Variants in IFT74 observed in about 807,000 individuals in gnomAD.
IFT74 encodes intraflagellar transport 74.
Under a neutral mutation model 96.7 loss-of-function variants are expected in IFT74, and 92 were observed. The ratio of observed to expected loss-of-function variants is 0.95; its 90% confidence interval spans 0.80 to 1.13. The LOEUF (loss-of-function observed/expected upper bound fraction) is 1.13. Ranked by LOEUF, IFT74 falls within the 50% of genes most tolerant of loss-of-function variation. IFT74 has a pLI of 0.00. For missense variants in IFT74, 811 were observed against 698.2 expected (o/e 1.16, Z -1.82); for synonymous variants, 223 against 213.2 (o/e 1.05, Z -0.40).
intron 8 of IFT74, chr9:26,996,219 A>G (rs1451207227): frequency 3.9e-5 from 32 of 828,614 alleles, no homozygotes; most frequent in Non-Finnish European, 5.1e-5. Context: ...TTTCTTTTAC[A>G]TTTTTTATAC....
At chr9:27,007,141 T>G (rs891100878) in intron 8 of IFT74, among the ~76,000 whole-genome samples, 1 of 152,148 alleles carries the variant, frequency 6.6e-6, no homozygotes, top group African/African-American at 2.4e-5. Flanking sequence ...CCAGCCTGTT[T>G]ACTTACTTTT....
At chr9:27,024,092 T>G (rs775894968) in intron 12 of IFT74, among the ~76,000 whole-genome samples, 3 of 152,082 alleles carry the variant, frequency 2.0e-5, no homozygotes, top group African/African-American at 7.2e-5. Context: ...AACAGAACAA[T>G]CCTGCTCCAA....
intron 10 of IFT74, among the ~76,000 whole-genome samples, chr9:27,014,575 A>G (rs1829255302): frequency 6.6e-6 from 1 of 152,150 alleles, no homozygotes; most frequent in African/African-American, 2.4e-5. Context: ...CATGTCACTA[A>G]TTCTATTTAA....
intron 1 of IFT74, among the ~76,000 whole-genome samples, chr9:26,958,937 T>C (rs916610919): frequency 1.3e-5 from 2 of 152,086 alleles, no homozygotes; most frequent in Admixed American, 6.5e-5. Flanking sequence ...GGAAGTGTCA[T>C]GGAGATGTTT....
At position 26,974,344 on chromosome 9, in the gene IFT74, C is replaced by A. The variant is rs1194253011; in HGVS notation, c.121-3784C>A. Among the ~76,000 whole-genome samples, 5 of 152,236 alleles carry A rather than the reference C, an allele frequency of 3.3e-5. No individual in the cohort carries two copies. The East Asian group carries it at 9.7e-4, about 29-fold the overall frequency. On this transcript the variant is annotated intron_variant, in intron 2 of 19. Coordinates refer to ENST00000380062, the MANE Select transcript of IFT74 (RefSeq NM_025103.4). ...AATTTTTGTAACTTTTTTGAAATAT[C>A]TAGTCAATTCTTAGTGACAAAATGG... is the stretch of plus-strand genomic sequence containing the variant.
upstream of IFT74, among the ~76,000 whole-genome samples, chr9:26,953,696 G>A (rs115335243): frequency 2.7e-5 from 4 of 150,208 alleles, no homozygotes; most frequent in African/African-American, 9.8e-5. Context: ...TTTTTTGTAG[G>A]GGGGGGGTCT....
chr9:26,974,617 G>A (rs867623140), intron 2 of IFT74, among the ~76,000 whole-genome samples: 16 of 152,054 alleles, frequency 1.1e-4, no homozygotes, highest in African/African-American at 3.6e-4. Context: ...GGTCTTAAGC[G>A]GGAAATTTTT....
chr9:26,999,773 T>TC, intron 8 of IFT74: 1 of 512,060 alleles, frequency 2.0e-6, no homozygotes, highest in East Asian at 4.6e-5. Flanking sequence ...GTTTATTCTT[T>TC]TTTTTTTTTT....
At chr9:26,976,213 TG>T (rs1827120261) in intron 2 of IFT74, among the ~76,000 whole-genome samples, 1 of 152,144 alleles carries the variant, frequency 6.6e-6, no homozygotes, top group African/African-American at 2.4e-5. Flanking sequence ...TCCCCCTGGG[TG>T]GGGTGACTGA....
intron 1 of IFT74, among the ~76,000 whole-genome samples, chr9:26,957,239 C>T (rs994971783): frequency 6.6e-6 from 1 of 152,096 alleles, no homozygotes. Context: ...TAATGGTAAG[C>T]TTTTTTTCAC....
intron 8 of IFT74, chr9:26,995,186 A>G (rs1828075906): frequency 5.8e-6 from 1 of 173,588 alleles, no homozygotes; most frequent in African/African-American, 2.4e-5. Flanking sequence ...AATACATATT[A>G]TGTCAAATAC....
intron 14 of IFT74, among the ~76,000 whole-genome samples, chr9:27,045,532 C>G (rs1819662533): frequency 6.6e-6 from 1 of 151,670 alleles, no homozygotes; most frequent in South Asian, 2.1e-4. Flanking sequence ...TTTCTATCAC[C>G]AGCTATAATT....
rs150983575 is a variant in IFT74, at chr9:27,028,625, G to A, written c.975-400G>A. On this transcript the variant is annotated intron_variant, in intron 12 of 19. Coordinates refer to ENST00000380062, the MANE Select transcript of IFT74 (RefSeq NM_025103.4). ...ACAAAAATTAGCTGGGCATGGAGGC[G>A]CGTGCCTCTAGTCCCAGCTATTCGG... 2.4e-3 allele frequency among the ~76,000 whole-genome samples: 366 copies of A among 152,072 alleles called. 4 individuals are homozygous for A. The highest frequency in any genetic ancestry group is 8.3e-3 in the African/African-American group (343 of 41,470).
chr9:27,060,928 C>T (rs1328269046), intron 19 of IFT74: 1 of 176,628 alleles, frequency 5.7e-6, no homozygotes, highest in East Asian at 1.4e-4. Flanking sequence ...CACCACTGCA[C>T]TCCAGCCTGG....
In IFT74 at chr9:27,063,114, C is replaced by G. The variant is rs1820497431; in HGVS notation, c.*378C>G. On this transcript the variant is annotated 3_prime_UTR_variant, in exon 20 of 20. Transcript: ENST00000380062. ...GATTCTGATTTAGCACTTAGATCAA[C>G]CTTGTCAATTTTTACTTCTAGAAAA... Among the ~76,000 whole-genome samples, 1 of 151,988 alleles carries G rather than the reference C, an allele frequency of 6.6e-6. No homozygotes were observed. The highest frequency in any genetic ancestry group is 2.1e-4 in the South Asian group (1 of 4,820).
intron 13 of IFT74, among the ~76,000 whole-genome samples, chr9:27,039,674 A>G (rs991117486): frequency 2.0e-5 from 3 of 152,208 alleles, no homozygotes; most frequent in Admixed American, 6.5e-5. Flanking sequence ...TGTAACAACC[A>G]TTTACAATAT....
At position 27,055,620 on chromosome 9, in the gene IFT74, C is replaced by G. The variant is rs756016779; in HGVS notation, c.1345C>G (p.Leu449Val). 3.8e-6 allele frequency: 6 copies of G among 1,575,868 alleles called. No homozygotes were observed. The highest frequency in any genetic ancestry group is 2.0e-5 in the Admixed American group (1 of 50,552). ...AQNLTSDIQR[L>V]QLDLQKMELL... ...TTCTTATGTTTCAGACATTCAACGT[C>G]TGCAGTTGGATCTGCAGAAAATGGA... The change falls in exon 17 of 20, where the codon CTG (leucine) becomes GTG (valine). Residue 449 changes from leucine (L) to valine (V), a missense_variant. Leu to Val is a conservative substitution (Grantham distance 32). Coordinates refer to ENST00000380062, the MANE Select transcript of IFT74 (RefSeq NM_025103.4).
At chr9:26,971,607 T>C (rs1826881179) in intron 2 of IFT74, among the ~76,000 whole-genome samples, 2 of 152,188 alleles carry the variant, frequency 1.3e-5, no homozygotes, top group Admixed American at 1.3e-4. Context: ...GACAGGTGTT[T>C]CAGAAGAAAT....
In IFT74 at chr9:27,065,549, T is replaced by C. The variant is rs1176502620; in HGVS notation, c.*2813T>C. Among the ~76,000 whole-genome samples the C allele has an allele frequency of 1.3e-5, 2 of 152,168 alleles. No homozygotes were observed. Among genetic ancestry groups the C allele is most frequent in the East Asian group, 3.8e-4 (2 of 5,200 alleles). On this transcript the variant is annotated 3_prime_UTR_variant, in exon 20 of 20. Transcript: ENST00000380062. ...TTATCAGTAAATAAACATGAGTTCT[T>C]GATATTCTTTTTCCTGTGGAGCCCC...
Sources: gnomAD v4.1 joint callset for allele counts (sites outside exome capture counted in the v4.1 genomes callset) on GRCh38, gnomAD v4.1.1 for gene constraint, MANE v1.5 for transcripts, NCBI Gene and HGNC (gene_info 2026-07-23, HGNC 2026-07-21) for gene names.